CACNA2D3: variants seen among roughly 807,000 people sequenced by gnomAD.
CACNA2D3 encodes voltage-dependent calcium channel subunit alpha-2/delta-3.
A neutral mutation model predicts 160.6 loss-of-function variants in CACNA2D3; 60 were observed. The ratio of observed to expected loss-of-function variants is 0.37; its 90% confidence interval spans 0.30 to 0.46. The LOEUF is 0.46. Among genes scored for constraint, CACNA2D3 ranks in the 20% least tolerant of loss-of-function variants. The pLI is 1.00. For synonymous variants in CACNA2D3, 558 were observed against 492.9 expected, an observed-to-expected ratio of 1.13 and a Z score of -1.75; for missense variants, 1,205 against 1,365.0, an observed-to-expected ratio of 0.88 and a Z score of 1.85.
intron 3 of CACNA2D3, among the ~76,000 whole-genome samples, chr3:54,346,238 G>T (rs193191256): frequency 2.6e-5 from 4 of 152,234 alleles, no homozygotes; most frequent in South Asian, 4.2e-4. Flanking sequence ...GGATACAGAA[G>T]CCTCCGTCAG....
intron 3 of CACNA2D3, among the ~76,000 whole-genome samples, chr3:54,338,382 A>G (rs796553341): frequency 1.3e-5 from 2 of 152,094 alleles, no homozygotes; most frequent in African/African-American, 4.8e-5. Flanking sequence ...CTGTTGCCAC[A>G]GGAAAAGGTG....
intron 14 of CACNA2D3, among the ~76,000 whole-genome samples, chr3:54,830,010 CCCGGG>C (rs1412498245): frequency 3.5e-3 from 35 of 9,940 alleles, no homozygotes; most frequent in Admixed American, 0.016. Flanking sequence ...TTCTCTGCCT[CCCGGG>C]TTCAAGCAAT....
At chr3:54,554,371 A>G (rs1702206462) in intron 5 of CACNA2D3, among the ~76,000 whole-genome samples, 1 of 152,218 alleles carries the variant, frequency 6.6e-6, no homozygotes, top group Non-Finnish European at 1.5e-5. Flanking sequence ...TACAGTAGGT[A>G]CTCAATCAAT....
At chr3:54,810,416 A>G (rs930557849) in intron 13 of CACNA2D3, among the ~76,000 whole-genome samples, 2 of 152,154 alleles carry the variant, frequency 1.3e-5, no homozygotes, top group Non-Finnish European at 2.9e-5. Flanking sequence ...TGAGCCATTT[A>G]ACAGAACTTT....
chr3:54,815,153 G>A (rs1703418903), intron 13 of CACNA2D3, among the ~76,000 whole-genome samples: 1 of 152,098 alleles, frequency 6.6e-6, no homozygotes, highest in Admixed American at 6.5e-5. Context: ...AGCACTGGAG[G>A]AGCTTATGAG....
At chr3:54,632,000 G>C (rs543883856) in intron 10 of CACNA2D3, 1 of 152,290 alleles carries the variant, frequency 6.6e-6, no homozygotes, top group East Asian at 1.9e-4. Context: ...GCTAACTGAT[G>C]AATCACTGAG....
Position 54,174,871 on chromosome 3 carries a change from A to G in CACNA2D3, c.204+51277A>G, listed in dbSNP as rs74283927. ...AAAAATGTCAGGTTTTTCTGGAAGGAGGAGATGGACATTTGGTAGTGGCAG... is the reference window on the plus strand; with the variant it reads ...AAAAATGTCAGGTTTTTCTGGAAGGGGGAGATGGACATTTGGTAGTGGCAG... On this transcript the variant is annotated intron_variant, in intron 2 of 37. Coordinates refer to ENST00000474759, the MANE Select transcript of CACNA2D3 (RefSeq NM_018398.3). Among the ~76,000 whole-genome samples, 2,161 of 152,242 alleles carry G rather than the reference A, an allele frequency of 0.014. 124 individuals are homozygous for G. The East Asian group carries it at 0.21, about 14-fold the overall frequency.
At chr3:54,883,831 T>TCC (rs1699864934) in intron 21 of CACNA2D3, among the ~76,000 whole-genome samples, 1 of 149,190 alleles carries the variant, frequency 6.7e-6, no homozygotes, top group Non-Finnish European at 1.5e-5. Context: ...CTCCTCTCTC[T>TCC]CCCTTCAACC....
At chr3:54,727,929 C>T (rs1164856618) in intron 11 of CACNA2D3, among the ~76,000 whole-genome samples, 3 of 152,144 alleles carry the variant, frequency 2.0e-5, no homozygotes, top group Admixed American at 1.3e-4. Flanking sequence ...TATGTTCTGT[C>T]ATTTTAGACC....
At chr3:54,457,232 A>G (rs1266706181) in intron 4 of CACNA2D3, among the ~76,000 whole-genome samples, 1 of 151,934 alleles carries the variant, frequency 6.6e-6, no homozygotes, top group African/African-American at 2.4e-5. Flanking sequence ...CCTTTGCTGT[A>G]TCCTATAGGT....
chr3:54,801,757 G>T (rs1003249048), intron 13 of CACNA2D3, among the ~76,000 whole-genome samples: 1 of 151,948 alleles, frequency 6.6e-6, no homozygotes, highest in Non-Finnish European at 1.5e-5. Flanking sequence ...TGCCAAGAAG[G>T]GTCTTTCTGT....
At chr3:54,967,783 A>G (rs1266471545) in intron 27 of CACNA2D3, among the ~76,000 whole-genome samples, 2 of 152,184 alleles carry the variant, frequency 1.3e-5, no homozygotes, top group South Asian at 2.1e-4. Flanking sequence ...TCACTTCCCA[A>G]AGTTTCAAGT....
intron 11 of CACNA2D3, among the ~76,000 whole-genome samples, chr3:54,731,423 C>A (rs1460316578): frequency 1.3e-5 from 2 of 152,058 alleles, no homozygotes; most frequent in Admixed American, 1.3e-4. Flanking sequence ...CTCTATGTAC[C>A]CCAAAAGTTG....
chr3:54,271,849 C>T (rs952338206), intron 2 of CACNA2D3, among the ~76,000 whole-genome samples: 1 of 152,162 alleles, frequency 6.6e-6, no homozygotes, highest in Admixed American at 6.5e-5. Flanking sequence ...GATTTTGTCT[C>T]GGAGAAACTG....
At chr3:54,897,522 C>T (rs1422006325) in intron 26 of CACNA2D3, among the ~76,000 whole-genome samples, 3 of 151,938 alleles carry the variant, frequency 2.0e-5, no homozygotes, top group Non-Finnish European at 4.4e-5. Context: ...TCTCTTGCCT[C>T]ATGCATCTGG....
chr3:54,232,549 T>C (rs1359148441), intron 2 of CACNA2D3, among the ~76,000 whole-genome samples: 6 of 152,166 alleles, frequency 3.9e-5, no homozygotes, highest in Non-Finnish European at 7.4e-5. Flanking sequence ...ATGAGGGTTT[T>C]TGTTTCCTTG....
intron 2 of CACNA2D3, among the ~76,000 whole-genome samples, chr3:54,130,618 C>T (rs928311464): frequency 6.6e-5 from 10 of 152,152 alleles, no homozygotes; most frequent in Admixed American, 1.3e-4. Context: ...TTACAGATTG[C>T]GAAGCTGAGG....
At position 54,184,481 on chromosome 3, in the gene CACNA2D3, T is replaced by G. The variant is rs182511153; in HGVS notation, c.204+60887T>G. Among the ~76,000 whole-genome samples, 16 of 152,332 alleles carry G rather than the reference T, an allele frequency of 1.1e-4. No homozygotes were observed. In the East Asian group the frequency reaches 2.3e-3, roughly 22 times the overall value. Reference sequence around the variant, plus strand: ...GAGCTTAGAGTCCTGAGGTCTGGGTTTGAACCCAGGCTGTGCTTAGCATTG... The same window carrying G: ...GAGCTTAGAGTCCTGAGGTCTGGGTGTGAACCCAGGCTGTGCTTAGCATTG... On this transcript the variant is annotated intron_variant, in intron 2 of 37. Coordinates refer to ENST00000474759, the MANE Select transcript of CACNA2D3 (RefSeq NM_018398.3).
intron 2 of CACNA2D3, among the ~76,000 whole-genome samples, chr3:54,193,657 G>C (rs1309563153): frequency 6.6e-6 from 1 of 152,180 alleles, no homozygotes; most frequent in Non-Finnish European, 1.5e-5. Context: ...TATCCCTAGA[G>C]CTCTCACTGA....
Sources: allele counts gnomAD v4.1 joint callset (sites outside exome capture counted in the v4.1 genomes callset), GRCh38; gene constraint gnomAD v4.1.1; transcripts MANE v1.5; gene names NCBI Gene and HGNC (gene_info 2026-07-23, HGNC 2026-07-21).